Variants in CSMD1 observed in about 807,000 individuals in gnomAD.
CSMD1 encodes CUB and sushi domain-containing protein 1.
A neutral mutation model predicts 417.5 loss-of-function variants in CSMD1; 213 were observed. That is an observed-to-expected ratio of 0.51 (90% CI 0.46 to 0.57). The LOEUF is 0.57. CSMD1 is among the 20% of genes least tolerant of loss of function. CSMD1 has a pLI of 0.00. For missense variants in CSMD1, 6,923 were observed against 4,529.7 expected, an observed-to-expected ratio of 1.53 and a Z score of -15.17; for synonymous variants, 2,862 against 1,736.8, an observed-to-expected ratio of 1.65 and a Z score of -16.11.
chr8:4,017,418 G>A (rs1005113502), intron 4 of CSMD1, among the ~76,000 whole-genome samples: 2 of 152,080 alleles, frequency 1.3e-5, no homozygotes, highest in African/African-American at 4.8e-5. Context: ...CGATTCTCCT[G>A]CCTCACTCTT....
At chr8:3,145,514 T>C (rs1361472051) in intron 40 of CSMD1, among the ~76,000 whole-genome samples, 1 of 152,112 alleles carries the variant, frequency 6.6e-6, no homozygotes, top group African/African-American at 2.4e-5. Flanking sequence ...TGGAATTCAG[T>C]TTGAAAAGGA....
rs189972457 is a variant in CSMD1 at position 4,349,685 on chromosome 8, A to T, written c.415+70268T>A. 1.4e-3 allele frequency among the ~76,000 whole-genome samples: 207 copies of T among 152,248 alleles called. 2 individuals are homozygous for T. The highest frequency in any genetic ancestry group is 3.4e-3 in the Middle Eastern group (1 of 294). On this transcript the variant is annotated intron_variant, in intron 3 of 69. Transcript: ENST00000635120. ...AATGGTAAATTTTGAAATGTGGCCA[A>T]TTTCTATCATACCTATAAATACAAT...
chr8:4,437,178 A>G (rs7822231), intron 2 of CSMD1, among the ~76,000 whole-genome samples: 4,094 of 152,294 alleles, frequency 0.027, 193 homozygotes, highest in African/African-American at 0.092. Flanking sequence ...AAACAAAGCA[A>G]AACTTTGTTG....
chr8:4,031,149 C>G (rs1797323962), intron 4 of CSMD1, among the ~76,000 whole-genome samples: 1 of 152,220 alleles, frequency 6.6e-6, no homozygotes, highest in Non-Finnish European at 1.5e-5. Flanking sequence ...TGCCTGTTAT[C>G]CAGTTCCAAA....
At chr8:4,285,256 T>C (rs1162603733) in intron 3 of CSMD1, among the ~76,000 whole-genome samples, 1 of 152,226 alleles carries the variant, frequency 6.6e-6, no homozygotes, top group East Asian at 1.9e-4. Flanking sequence ...AGGCCGACTG[T>C]AGCCTTAAAT....
At chr8:3,536,805 G>C (rs1369996854) in intron 10 of CSMD1, among the ~76,000 whole-genome samples, 1 of 152,170 alleles carries the variant, frequency 6.6e-6, no homozygotes, top group Non-Finnish European at 1.5e-5. Context: ...CGGGAATGCT[G>C]TTAGGTTTGT....
At chr8:4,963,015 G>T (rs184767058) in intron 1 of CSMD1, among the ~76,000 whole-genome samples, 1 of 152,024 alleles carries the variant, frequency 6.6e-6, no homozygotes, top group African/African-American at 2.4e-5. Context: ...TCAACCAGGT[G>T]CCCTGTTTAT....
At chr8:3,498,228 A>G (rs565576128) in intron 10 of CSMD1, among the ~76,000 whole-genome samples, 2 of 151,896 alleles carry the variant, frequency 1.3e-5, no homozygotes, top group African/African-American at 4.8e-5. Flanking sequence ...CTGTTTTTAG[A>G]CTTCTCTTTG....
chr8:4,438,341 A>C (rs1202177633), intron 2 of CSMD1, among the ~76,000 whole-genome samples: 1 of 152,034 alleles, frequency 6.6e-6, no homozygotes, highest in Non-Finnish European at 1.5e-5. Flanking sequence ...CAGTCTCTGA[A>C]CTCTGTCCTG....
At chr8:4,353,113 G>C (rs559000018) in intron 3 of CSMD1, among the ~76,000 whole-genome samples, 4 of 152,084 alleles carry the variant, frequency 2.6e-5, no homozygotes, top group African/African-American at 2.4e-5. Context: ...TATAACATTC[G>C]GTTTATGTTC....
chr8:4,190,665 C>G (rs1303188682), intron 3 of CSMD1, among the ~76,000 whole-genome samples: 12 of 151,648 alleles, frequency 7.9e-5, no homozygotes, highest in Admixed American at 7.9e-4. Context: ...AAATCTTTGA[C>G]TATATAACCA....
At chr8:3,418,795 G>A (rs778988269) in intron 12 of CSMD1, among the ~76,000 whole-genome samples, 3 of 152,048 alleles carry the variant, frequency 2.0e-5, no homozygotes, top group Non-Finnish European at 4.4e-5. Flanking sequence ...GACCATAGTA[G>A]GAAATGAGAA....
intron 23 of CSMD1, among the ~76,000 whole-genome samples, chr8:3,314,439 G>C (rs1459123885): frequency 6.6e-6 from 1 of 152,018 alleles, no homozygotes; most frequent in East Asian, 1.9e-4. Flanking sequence ...GAAGCCACTA[G>C]TCTGCAATTA....
At chr8:4,831,432 T>C (rs1296961216) in intron 1 of CSMD1, among the ~76,000 whole-genome samples, 1 of 152,212 alleles carries the variant, frequency 6.6e-6, no homozygotes, top group African/African-American at 2.4e-5. Flanking sequence ...AATATCCATA[T>C]GCATTATGGA....
intron 1 of CSMD1, among the ~76,000 whole-genome samples, chr8:4,967,166 T>C (rs536240135): frequency 6.6e-6 from 1 of 152,282 alleles, no homozygotes; most frequent in Admixed American, 6.5e-5. Flanking sequence ...CGGAAAATAA[T>C]TTTAAACACT....
At chr8:3,257,289 A>G (rs1420877250) in intron 26 of CSMD1, among the ~76,000 whole-genome samples, 1 of 152,164 alleles carries the variant, frequency 6.6e-6, no homozygotes, top group Admixed American at 6.5e-5. Context: ...GTGCCACTGC[A>G]CTCCAGCCCG....
At chr8:4,292,285 C>G (rs1288185568) in intron 3 of CSMD1, among the ~76,000 whole-genome samples, 1 of 152,146 alleles carries the variant, frequency 6.6e-6, no homozygotes, top group East Asian at 1.9e-4. Flanking sequence ...CAGAGTCTCG[C>G]TCTGTCGCCC....
rs565163285 is a variant in CSMD1 at position 4,982,696 on chromosome 8, T to G, written c.85+11636A>C. Among the ~76,000 whole-genome samples the G allele has an allele frequency of 6.3e-4, 96 of 152,370 alleles. 1 individual carries two copies. The highest frequency in any genetic ancestry group is 2.2e-4 in the Non-Finnish European group (15 of 68,038). ...GGACTCTTTTTAAAAGACCTATCAT[T>G]GTCCATCCATCATAAAAACTGAAAG... is the stretch of plus-strand genomic sequence containing the variant. On this transcript the variant is annotated intron_variant, in intron 1 of 69. Transcript: ENST00000635120.
At chr8:4,183,319 A>G (rs1798482207) in intron 3 of CSMD1, among the ~76,000 whole-genome samples, 1 of 152,216 alleles carries the variant, frequency 6.6e-6, no homozygotes, top group Non-Finnish European at 1.5e-5. Flanking sequence ...ATATATTTAA[A>G]ATAATTTATT....
Sources: gnomAD v4.1 joint callset for allele counts (sites outside exome capture counted in the v4.1 genomes callset) on GRCh38, gnomAD v4.1.1 for gene constraint, MANE v1.5 for transcripts, NCBI Gene and HGNC (gene_info 2026-07-23, HGNC 2026-07-21) for gene names.